The following ADGRB2 variants were observed in gnomAD, a reference collection of about 807,000 sequenced individuals.
The protein encoded by ADGRB2 is adhesion G protein-coupled receptor B2.
ADGRB2 carries 47 observed loss-of-function variants against 178.7 expected under a neutral mutation model. The ratio of observed to expected loss-of-function variants is 0.26; its 90% CI spans 0.21 to 0.34. The LOEUF (loss-of-function observed/expected upper bound fraction) is 0.34. ADGRB2 is among the 10% of genes least tolerant of loss of function. ADGRB2 has a pLI of 1.00. For missense variants in ADGRB2, 1,584 were observed against 2,180.8 expected (o/e 0.73, Z 5.45); for synonymous variants, 870 against 912.4 (o/e 0.95, Z 0.84).
Position 31,728,355 on chromosome 1 carries a change from C to T in ADGRB2, c.4417-75G>A. ...TCCCCCCTACCCAGGGCACTCAGCA[C>T]CCCAAGCCCCCCACATCCCTCCCTG... is the stretch of plus-strand genomic sequence containing the variant. On this transcript the variant is annotated intron_variant, in intron 30 of 32. Coordinates refer to ENST00000373658, the MANE Select transcript of ADGRB2 (RefSeq NM_001364857.2). The surrounding 1 kb of genome is among the most constrained non-coding windows in gnomAD (Gnocchi z 6.7). 6.9e-7 allele frequency: 1 copy of T among 1,459,368 alleles called. No individual in the cohort carries two copies. Among genetic ancestry groups the T allele is most frequent in the Non-Finnish European group, 9.5e-7 (1 of 1,055,506 alleles). 90.4% of individuals were successfully genotyped at this position (1,459,368 alleles called of 1,614,324 possible).
chr1:31,737,587 G>A (rs1645686721), intron 19 of ADGRB2, 56 bp from the exon 20 acceptor site: 1 of 1,611,386 alleles, frequency 6.2e-7, no homozygotes, highest in East Asian at 2.2e-5. Context: ...CCGACCTGGT[G>A]TGGCTGGCCA....
Position 31,733,119 on chromosome 1 carries a change from C to T in ADGRB2, c.3477G>A (p.Val1159=), listed in dbSNP as rs1342123526. 1 of 1,586,162 alleles carries T rather than the reference C, an allele frequency of 6.3e-7. No individual in the cohort carries two copies. Among genetic ancestry groups the T allele is most frequent in the Non-Finnish European group, 8.6e-7 (1 of 1,166,266 alleles). Residue 1159 remains valine (V), a synonymous_variant, in exon 26 of 33, where the codon GTG becomes GTA. Coordinates refer to ENST00000373658, the MANE Select transcript of ADGRB2 (RefSeq NM_001364857.2). The surrounding 1 kb of genome is among the most constrained non-coding windows in gnomAD (Gnocchi z 4.3). ...NAMASLWSSC[V]VLPLLALTWM... ...AGGTGAGCGCCAGCAGGGGCAGCAC[C>T]ACGCAGGAGCTCCAGAGTGAGGCCC...
At chr1:31,730,547 C>T (rs1645225958) in intron 29 of ADGRB2, among the ~76,000 whole-genome samples, 1 of 152,188 alleles carries the variant, frequency 6.6e-6, no homozygotes, top group Non-Finnish European at 1.5e-5. Context: ...TAACCAGTCA[C>T]CCCAAAGTAG....
chr1:31,740,898 CA>C lies in ADGRB2; in HGVS notation c.1795-358del, dbSNP rs1256827235. Among the ~76,000 whole-genome samples the C allele has an allele frequency of 6.9e-6, 1 of 144,678 alleles. No homozygotes were observed. The highest frequency in any genetic ancestry group is 2.0e-4 in the East Asian group (1 of 4,964). 94.9% of individuals were successfully genotyped at this position (144,678 alleles called of 152,430 possible). A position where few individuals can be genotyped will look rare whatever the true frequency, so the allele number is the denominator to read the frequency against. ...GAGCATGTGTGTGGGCGCGCGCGCA[CA>C]CACACACACACACACACACACACAC... On this transcript the variant is annotated intron_variant, in intron 11 of 32. Coordinates refer to ENST00000373658, the MANE Select transcript of ADGRB2 (RefSeq NM_001364857.2). The surrounding 1 kb of genome is among the most constrained non-coding windows in gnomAD (Gnocchi z 5.9).
At position 31,740,852 on chromosome 1, in the gene ADGRB2, A is replaced by AT. The variant is rs1557759752; in HGVS notation, c.1795-312dup. On this transcript the variant is annotated intron_variant, in intron 11 of 32. Transcript: ENST00000373658. The surrounding 1 kb of genome is among the most constrained non-coding windows in gnomAD (Gnocchi z 5.9). ...GGTACCTCCCCATCCCAAAGGGGTCATGTACATTCTGGAGTGTAATGAGCA... is the reference window on the plus strand; with the variant it reads ...GGTACCTCCCCATCCCAAAGGGGTCATTGTACATTCTGGAGTGTAATGAGCA... 6.7e-6 allele frequency among the ~76,000 whole-genome samples: 1 copy of AT among 150,046 alleles called. No individual in the cohort carries two copies. Among genetic ancestry groups the AT allele is most frequent in the Non-Finnish European group, 1.5e-5 (1 of 67,508 alleles).
At chr1:31,762,464 G>A (rs1405718686) in intron 1 of ADGRB2, among the ~76,000 whole-genome samples, 1 of 152,180 alleles carries the variant, frequency 6.6e-6, no homozygotes, top group African/African-American at 2.4e-5. Flanking sequence ...CATGGGAAAT[G>A]CCATGGGGTA....
Position 31,727,800 on chromosome 1 carries a change from G to T in ADGRB2, c.4573-195C>A. The T allele has an allele frequency of 1.2e-6, 1 of 851,810 alleles. No individual in the cohort carries two copies. The highest frequency in any genetic ancestry group is 1.8e-6 in the Non-Finnish European group (1 of 569,388). The allele number at this position is 851,810 out of a possible 1,614,324, so 52.8% of individuals were successfully genotyped here. ...TGACCCCTGTTCTCAGTGGCCCCCAGGACATGTCTCCTGCTGACCACTCTC... is the reference window on the plus strand; with the variant it reads ...TGACCCCTGTTCTCAGTGGCCCCCATGACATGTCTCCTGCTGACCACTCTC... On this transcript the variant is annotated intron_variant, in intron 32 of 32. Transcript: ENST00000373658. This position sits in a 1 kb window ranked among gnomAD's most constrained non-coding sequence, Gnocchi z 4.4.
intron 18 of ADGRB2, 116 bp from the exon 19 acceptor site, chr1:31,737,871 C>T: frequency 1.0e-6 from 1 of 960,750 alleles, no homozygotes; most frequent in East Asian, 2.6e-5. Flanking sequence ...GCAACACCTT[C>T]TTGCTGTTGT....
In ADGRB2 at chr1:31,756,327, C is replaced by T. The variant is rs745764525; in HGVS notation, c.510G>A (p.Pro170=). ...LCLSAEPSEA[P]RLLAPAALAF... Reference sequence around the variant, plus strand: ...CTAGGGCAGCGGGCGCCAGCAGGCGCGGGGCCTCGGAGGGCTCAGCCGACA... The same window carrying T: ...CTAGGGCAGCGGGCGCCAGCAGGCGTGGGGCCTCGGAGGGCTCAGCCGACA... The change falls in exon 4 of 33, where the codon CCG becomes CCA. Residue 170 remains proline (P), a synonymous_variant. Coordinates refer to ENST00000373658, the MANE Select transcript of ADGRB2 (RefSeq NM_001364857.2). The surrounding 1 kb of genome is among the most constrained non-coding windows in gnomAD (Gnocchi z 8.5). 3.0e-5 allele frequency: 48 copies of T among 1,612,808 alleles called. No individual in the cohort carries two copies. In the South Asian group the frequency reaches 3.8e-4, roughly 13 times the overall value.
chr1:31,735,043 G>A lies in ADGRB2; in HGVS notation c.3452+140C>T. 1.2e-6 allele frequency: 1 copy of A among 842,566 alleles called. No individual in the cohort carries two copies. The highest frequency in any genetic ancestry group is 3.3e-5 in the Admixed American group (1 of 30,054). The allele number at this position is 842,566 out of a possible 1,614,324, so 52.2% of individuals were successfully genotyped here. ...GCCACCTCTTGCCGAGCCCTTGAGAGTGTGTGGTGGCTGGCAGGAAAGGGC... is the reference window on the plus strand; with the variant it reads ...GCCACCTCTTGCCGAGCCCTTGAGAATGTGTGGTGGCTGGCAGGAAAGGGC... On this transcript the variant is annotated intron_variant, in intron 25 of 32. Coordinates refer to ENST00000373658, the MANE Select transcript of ADGRB2 (RefSeq NM_001364857.2). This position sits in a 1 kb window ranked among gnomAD's most constrained non-coding sequence, Gnocchi z 6.0.
rs773952629 is a variant in ADGRB2 at position 31,739,913 on chromosome 1, T to G, written c.2167+13A>C. 4.8e-5 allele frequency: 78 copies of G among 1,611,472 alleles called. No homozygotes were observed. The highest frequency in any genetic ancestry group is 5.0e-5 in the Non-Finnish European group (59 of 1,177,758). On this transcript the variant is annotated intron_variant, in intron 14 of 32. Coordinates refer to ENST00000373658, the MANE Select transcript of ADGRB2 (RefSeq NM_001364857.2). Reference sequence around the variant, plus strand: ...CACATTCAGGACCCCCACCCTTGCCTGACTCCTTCTACCTAGATTATCTGT... The same window carrying G: ...CACATTCAGGACCCCCACCCTTGCCGGACTCCTTCTACCTAGATTATCTGT...
chr1:31,757,343 A>G (rs1252753004), intron 2 of ADGRB2, 39 bp downstream of exon 2: 2 of 1,222,070 alleles, frequency 1.6e-6, no homozygotes, highest in African/African-American at 3.0e-5. Flanking sequence ...AATTAGAGCA[A>G]TTTGAGGTTA....
chr1:31,738,053 GGCA>G, intron 18 of ADGRB2, 144 bp downstream of exon 18: 2 of 1,259,992 alleles, frequency 1.6e-6, no homozygotes, highest in Non-Finnish European at 2.2e-6. Context: ...CAATCCCAGG[GGCA>G]CAGACATCCA....
chr1:31,760,230 G>T (rs144612772), intron 1 of ADGRB2, among the ~76,000 whole-genome samples: 1 of 152,208 alleles, frequency 6.6e-6, no homozygotes, highest in African/African-American at 2.4e-5. Context: ...ATAGAGAGGA[G>T]GATCAAAAGG....
At position 31,728,042 on chromosome 1, in the gene ADGRB2, C is replaced by T. The variant is rs576638646; in HGVS notation, c.4555G>A (p.Glu1519Lys). 4.5e-5 allele frequency: 72 copies of T among 1,582,954 alleles called. No individual in the cohort carries two copies. The highest frequency in any genetic ancestry group is 9.2e-5 in the East Asian group (4 of 43,560). The change falls in exon 32 of 33, where the codon GAG becomes AAG. Residue 1519 changes from glutamate (E) to lysine (K), a missense_variant. Physicochemically the swap from Glu to Lys is moderately conservative, Grantham distance 56. Coordinates refer to ENST00000373658, the MANE Select transcript of ADGRB2 (RefSeq NM_001364857.2). The surrounding 1 kb of genome is among the most constrained non-coding windows in gnomAD (Gnocchi z 6.7). ...RWSVSSGGAA[E>K]RSVCTDKPSP... ...GGACTCACGGTGCACACGCTCCGCT[C>T]GGCTGCCCCACCCGAGGACACACTC... is the stretch of plus-strand genomic sequence containing the variant.
chr1:31,742,936 C>T lies in ADGRB2; in HGVS notation c.1154G>A (p.Arg385Gln), dbSNP rs951889965. ...GGGCACGCAGGTCCGCATCCGGCTCCGGGACCCCCGCCCGCAGCTGCGGGA... is the reference window on the plus strand; with the variant it reads ...GGGCACGCAGGTCCGCATCCGGCTCTGGGACCCCCGCCCGCAGCTGCGGGA... ...LCSRSCGRGSRSRMRTCVPPQ... is the reference protein window; with the variant it reads ...LCSRSCGRGSQSRMRTCVPPQ... The change falls in exon 7 of 33, where the codon CGG becomes CAG. Residue 385 changes from arginine to glutamine, a missense_variant. Transcript: ENST00000373658. 1.3e-6 allele frequency: 2 copies of T among 1,540,438 alleles called. No individual in the cohort carries two copies. The highest frequency in any genetic ancestry group is 8.7e-7 in the Non-Finnish European group (1 of 1,142,998).
At position 31,727,944 on chromosome 1, in the gene ADGRB2, G is replaced by T; in HGVS notation, c.4572+81C>A. 6.8e-7 allele frequency: 1 copy of T among 1,474,456 alleles called. No homozygotes were observed. Among genetic ancestry groups the T allele is most frequent in the Non-Finnish European group, 9.0e-7 (1 of 1,105,764 alleles). The allele number at this position is 1,474,456 out of a possible 1,614,324, so 91.3% of individuals were successfully genotyped here. A position where few individuals can be genotyped will look rare whatever the true frequency, so the allele number is the denominator to read the frequency against. ...GAGGCCCTTGGTGAGACAGGCTGGG[G>T]TTGCCTGGGAGGGGCAGGAGGGCAG... On this transcript the variant is annotated intron_variant, in intron 32 of 32. Coordinates refer to ENST00000373658, the MANE Select transcript of ADGRB2 (RefSeq NM_001364857.2). This position sits in a 1 kb window ranked among gnomAD's most constrained non-coding sequence, Gnocchi z 4.4.
chr1:31,728,474 C>A lies in ADGRB2; in HGVS notation c.4416+124G>T, dbSNP rs914211174. The A allele has an allele frequency of 6.7e-7, 1 of 1,483,678 alleles. No individual in the cohort carries two copies. The highest frequency in any genetic ancestry group is 1.1e-5 in the South Asian group (1 of 87,854). The allele number at this position is 1,483,678 out of a possible 1,614,324, so 91.9% of individuals were successfully genotyped here. A position where few individuals can be genotyped will look rare whatever the true frequency, so the allele number is the denominator to read the frequency against. On this transcript the variant is annotated intron_variant, in intron 30 of 32. Transcript: ENST00000373658. The surrounding 1 kb of genome is among the most constrained non-coding windows in gnomAD (Gnocchi z 6.7). ...GAATCATGGGAAGATCCCACGGAAC[C>A]CCCGGGCTTGGGCTCCTGGGGTCAG...
intron 4 of ADGRB2, among the ~76,000 whole-genome samples, chr1:31,750,162 T>G (rs1646492280): frequency 6.6e-6 from 1 of 152,190 alleles, no homozygotes; most frequent in African/African-American, 2.4e-5. Context: ...CTTCCTAGAC[T>G]GACAATACAG....
Sources: allele counts gnomAD v4.1 joint callset (sites outside exome capture counted in the v4.1 genomes callset), GRCh38; gene constraint gnomAD v4.1.1; non-coding constraint Gnocchi (gnomAD v3.1); transcripts MANE v1.5; gene names NCBI Gene and HGNC (gene_info 2026-07-23, HGNC 2026-07-21).